Variants in PDGFC observed in about 807,000 individuals in gnomAD.
PDGFC encodes the protein platelet derived growth factor C, also known as platelet-derived growth factor C.
PDGFC carries 12 observed loss-of-function variants against 35.5 expected under a neutral mutation model. That is an observed-to-expected ratio of 0.34 (90% CI 0.22 to 0.55). The LOEUF is 0.55. Ranked by LOEUF, PDGFC falls within the 20% of genes least tolerant of loss-of-function variation. The pLI is 0.91. For synonymous variants in PDGFC, 159 were observed against 148.8 expected (o/e 1.07, Z -0.50); for missense variants, 322 against 412.4 (o/e 0.78, Z 1.90).
At chr4:156,913,086 G>T (rs548591629) in intron 1 of PDGFC, among the ~76,000 whole-genome samples, 1 of 152,070 alleles carries the variant, frequency 6.6e-6, no homozygotes, top group Admixed American at 6.6e-5. Flanking sequence ...TTGGTCTCTT[G>T]TTACCCCCTT....
At chr4:156,930,683 T>C (rs1579107304) in intron 1 of PDGFC, among the ~76,000 whole-genome samples, 1 of 151,834 alleles carries the variant, frequency 6.6e-6, no homozygotes. Context: ...GCCTGGCCAA[T>C]ATGGTGAAAC....
At chr4:156,790,842 A>G (rs531953205) in intron 3 of PDGFC, among the ~76,000 whole-genome samples, 1 of 152,326 alleles carries the variant, frequency 6.6e-6, no homozygotes, top group East Asian at 1.9e-4. Flanking sequence ...GGGCAAGCCA[A>G]TAAATTAAGT....
intron 2 of PDGFC, among the ~76,000 whole-genome samples, chr4:156,811,498 G>A (rs1044324918): frequency 6.6e-6 from 1 of 151,864 alleles, no homozygotes; most frequent in Non-Finnish European, 1.5e-5. Context: ...CGCATCTTTC[G>A]CACTTCACTT....
intron 3 of PDGFC, among the ~76,000 whole-genome samples, chr4:156,796,623 C>G (rs1241871478): frequency 6.7e-6 from 1 of 148,726 alleles, no homozygotes; most frequent in African/African-American, 2.5e-5. Flanking sequence ...ATGGATTTCA[C>G]TATAATTTTT....
intron 1 of PDGFC, among the ~76,000 whole-genome samples, chr4:156,925,215 A>G (rs1483266920): frequency 1.3e-5 from 2 of 152,198 alleles, no homozygotes. Flanking sequence ...TTGTCAGTAA[A>G]GCAGGTAAAG....
intron 1 of PDGFC, among the ~76,000 whole-genome samples, chr4:156,900,928 TGAGG>T (rs566597993): frequency 4.2e-4 from 23 of 54,802 alleles, no homozygotes; most frequent in Admixed American, 8.7e-4. Flanking sequence ...AGAGAGGAAG[TGAGG>T]GAGGGAGGGA....
intron 2 of PDGFC, among the ~76,000 whole-genome samples, chr4:156,847,979 T>A (rs1729365982): frequency 6.6e-6 from 1 of 151,726 alleles, no homozygotes; most frequent in Admixed American, 6.6e-5. Context: ...GACTATTCAA[T>A]AAATGATGCT....
chr4:156,772,023 T>C (rs548757867), intron 4 of PDGFC, among the ~76,000 whole-genome samples: 1 of 152,288 alleles, frequency 6.6e-6, no homozygotes, highest in East Asian at 1.9e-4. Context: ...TTAATTAACA[T>C]CACTTTCACT....
chr4:156,831,594 C>A (rs1728934920), intron 2 of PDGFC, among the ~76,000 whole-genome samples: 1 of 151,700 alleles, frequency 6.6e-6, no homozygotes, highest in African/African-American at 2.4e-5. Flanking sequence ...CAGGGATGTG[C>A]CACCACGCCC....
intron 2 of PDGFC, among the ~76,000 whole-genome samples, chr4:156,811,541 G>A (rs1186827419): frequency 5.9e-5 from 9 of 151,940 alleles, no homozygotes; most frequent in Non-Finnish European, 8.8e-5. Context: ...ACCTTCCTGG[G>A]TGTTCTCAGC....
intron 1 of PDGFC, among the ~76,000 whole-genome samples, chr4:156,897,759 CG>C (rs1730669988): frequency 6.6e-6 from 1 of 152,128 alleles, no homozygotes; most frequent in East Asian, 1.9e-4. Flanking sequence ...AATCGACAAA[CG>C]GAAGATACTC....
chr4:156,933,831 C>G (rs1027665231), intron 1 of PDGFC, among the ~76,000 whole-genome samples: 3 of 152,174 alleles, frequency 2.0e-5, no homozygotes, highest in African/African-American at 7.2e-5. Context: ...TCTCCTACCA[C>G]CATGTAAGAC....
intron 3 of PDGFC, among the ~76,000 whole-genome samples, chr4:156,808,245 C>T (rs991084806): frequency 6.6e-6 from 1 of 152,050 alleles, no homozygotes; most frequent in Admixed American, 6.6e-5. Flanking sequence ...TCTTAATGAG[C>T]AGCTACAATG....
At chr4:156,946,167 T>C (rs151306593) in intron 1 of PDGFC, among the ~76,000 whole-genome samples, 127 of 152,106 alleles carry the variant, frequency 8.3e-4, no homozygotes, top group Non-Finnish European at 1.4e-3. Context: ...GTTGTTAGTA[T>C]TACTCACATC....
In PDGFC at chr4:156,895,716, A is replaced by T. The variant is rs185404328; in HGVS notation, c.119-45300T>A. ...AGTCCTCAAAGAGATGAAAAAATCT[A>T]TGTATATGTGAGTATACCTGTATAT... is the stretch of plus-strand genomic sequence containing the variant. On this transcript the variant is annotated intron_variant, in intron 1 of 5. Coordinates refer to ENST00000502773, the MANE Select transcript of PDGFC (RefSeq NM_016205.3). 5.9e-5 allele frequency among the ~76,000 whole-genome samples: 9 copies of T among 152,280 alleles called. No homozygotes were observed. In the East Asian group the frequency reaches 1.7e-3, roughly 29 times the overall value.
At chr4:156,779,506 G>C (rs1028670820) in intron 3 of PDGFC, among the ~76,000 whole-genome samples, 1 of 152,194 alleles carries the variant, frequency 6.6e-6, no homozygotes, top group African/African-American at 2.4e-5. Flanking sequence ...TATGAAAAGC[G>C]TATGAGCCAG....
intron 1 of PDGFC, among the ~76,000 whole-genome samples, chr4:156,918,637 T>C (rs1016336735): frequency 2.0e-5 from 3 of 152,118 alleles, no homozygotes; most frequent in Non-Finnish European, 4.4e-5. Context: ...GCGAGGGACA[T>C]AGGTTGTGTG....
At chr4:156,830,004 G>A (rs1728889236) in intron 2 of PDGFC, among the ~76,000 whole-genome samples, 1 of 151,918 alleles carries the variant, frequency 6.6e-6, no homozygotes, top group African/African-American at 2.4e-5. Flanking sequence ...AATAGAAACA[G>A]GGCCCATTAC....
intron 2 of PDGFC, among the ~76,000 whole-genome samples, chr4:156,811,912 T>G (rs1050868557): frequency 6.6e-6 from 1 of 152,026 alleles, no homozygotes; most frequent in Non-Finnish European, 1.5e-5. Flanking sequence ...AATGGAAAGT[T>G]CTGAAAATGA....
Sources: allele counts gnomAD v4.1 joint callset (sites outside exome capture counted in the v4.1 genomes callset), GRCh38; gene constraint gnomAD v4.1.1; transcripts MANE v1.5; gene names NCBI Gene and HGNC (gene_info 2026-07-23, HGNC 2026-07-21).